Variants in SLC4A10 observed in about 807,000 individuals in gnomAD.
SLC4A10 encodes sodium-driven chloride bicarbonate exchanger.
Under a neutral mutation model 137.7 loss-of-function variants are expected in SLC4A10, and 42 were observed. That is an observed-to-expected ratio of 0.30 (90% CI 0.24 to 0.39). SLC4A10 has a LOEUF of 0.39. Among genes scored for constraint, SLC4A10 ranks in the 10% least tolerant of loss-of-function variants. The pLI is 1.00. For missense variants in SLC4A10, 925 were observed against 1,355.0 expected (o/e 0.68, Z 4.98); for synonymous variants, 474 against 464.1 (o/e 1.02, Z -0.27).
At chr2:161,837,573 G>T (rs1201318498) in intron 3 of SLC4A10, among the ~76,000 whole-genome samples, 1 of 152,130 alleles carries the variant, frequency 6.6e-6, no homozygotes, top group African/African-American at 2.4e-5. Flanking sequence ...CAGGAATTTT[G>T]TAGATACAGA....
intron 15 of SLC4A10, among the ~76,000 whole-genome samples, chr2:161,912,264 C>A (rs917739364): frequency 4.6e-5 from 7 of 152,098 alleles, no homozygotes; most frequent in African/African-American, 1.7e-4. Flanking sequence ...AAAAAGGCAG[C>A]TATTTACATA....
intron 19 of SLC4A10, among the ~76,000 whole-genome samples, chr2:161,956,300 G>C (rs187544063): frequency 3.9e-4 from 59 of 152,274 alleles, no homozygotes; most frequent in African/African-American, 1.4e-3. Flanking sequence ...TTTATTGGTT[G>C]AGCTAGCATT....
chr2:161,767,202 GTATATATATATACACA>G (rs1459622069), intron 1 of SLC4A10, among the ~76,000 whole-genome samples: 5 of 67,602 alleles, frequency 7.4e-5, no homozygotes, highest in Admixed American at 4.6e-4. Context: ...GTGTGTGTGT[GTATATATATATACACA>G]TATATATATA....
At chr2:161,732,637 G>A (rs2046933860) in intron 1 of SLC4A10, among the ~76,000 whole-genome samples, 2 of 152,158 alleles carry the variant, frequency 1.3e-5, no homozygotes, top group African/African-American at 4.8e-5. Context: ...CCCGAAAGCA[G>A]GAGTGAGCTC....
intron 3 of SLC4A10, among the ~76,000 whole-genome samples, chr2:161,829,700 G>A (rs539339400): frequency 1.3e-5 from 2 of 151,996 alleles, no homozygotes; most frequent in African/African-American, 4.8e-5. Context: ...CTATATTTAT[G>A]TATTGGTCTG....
chr2:161,918,841 T>G (rs1246046511), intron 15 of SLC4A10, among the ~76,000 whole-genome samples: 1 of 152,152 alleles, frequency 6.6e-6, no homozygotes, highest in Non-Finnish European at 1.5e-5. Flanking sequence ...GCATGCTCTG[T>G]GGAGCAGGCA....
At chr2:161,659,329 A>G (rs2037983739) in intron 1 of SLC4A10, among the ~76,000 whole-genome samples, 1 of 152,240 alleles carries the variant, frequency 6.6e-6, no homozygotes, top group African/African-American at 2.4e-5. Flanking sequence ...ATTGGGAACT[A>G]AATAATGTGT....
chr2:161,874,349 G>A (rs2061334966), intron 8 of SLC4A10, among the ~76,000 whole-genome samples: 1 of 152,080 alleles, frequency 6.6e-6, no homozygotes, highest in African/African-American at 2.4e-5. Context: ...CAAATAAATT[G>A]TGATTTAACT....
At chr2:161,829,525 T>G (rs1330875012) in intron 3 of SLC4A10, among the ~76,000 whole-genome samples, 4 of 152,186 alleles carry the variant, frequency 2.6e-5, no homozygotes, top group African/African-American at 4.8e-5. Flanking sequence ...ATAGCAAAAT[T>G]GTCATGGATT....
At chr2:161,905,619 T>A (rs1414832398) in intron 14 of SLC4A10, 23 bp from the exon 15 acceptor site, 1 of 1,567,176 alleles carries the variant, frequency 6.4e-7, no homozygotes. Flanking sequence ...CTTTTCACTG[T>A]TCTTTCCTTT....
intron 1 of SLC4A10, among the ~76,000 whole-genome samples, chr2:161,685,501 G>T (rs2041292724): frequency 6.6e-6 from 1 of 152,106 alleles, no homozygotes; most frequent in Non-Finnish European, 1.5e-5. Context: ...CCAGCTACTT[G>T]GGAGGCTGAG....
At chr2:161,627,812 G>A (rs942691908) in intron 1 of SLC4A10, among the ~76,000 whole-genome samples, 6 of 152,100 alleles carry the variant, frequency 3.9e-5, no homozygotes, top group African/African-American at 1.4e-4. Flanking sequence ...AAGTGTGTCA[G>A]AAAGATGTGT....
intron 3 of SLC4A10, among the ~76,000 whole-genome samples, chr2:161,817,886 T>C (rs1432364759): frequency 6.6e-6 from 1 of 151,856 alleles, no homozygotes; most frequent in Non-Finnish European, 1.5e-5. Context: ...ACTGTAGCCT[T>C]GTAGTATAGT....
At chr2:161,786,193 T>A (rs2053604880) in intron 2 of SLC4A10, among the ~76,000 whole-genome samples, 1 of 151,870 alleles carries the variant, frequency 6.6e-6, no homozygotes, top group Non-Finnish European at 1.5e-5. Flanking sequence ...GTCTTTTTTT[T>A]AACTATTATT....
intron 3 of SLC4A10, among the ~76,000 whole-genome samples, chr2:161,814,804 T>G (rs1360855320): frequency 1.3e-5 from 2 of 151,972 alleles, no homozygotes; most frequent in South Asian, 4.2e-4. Flanking sequence ...GTTAAAAAAG[T>G]AACTATTGGG....
chr2:161,700,263 T>C (rs1018141763), intron 1 of SLC4A10, among the ~76,000 whole-genome samples: 2 of 152,128 alleles, frequency 1.3e-5, no homozygotes, highest in African/African-American at 4.8e-5. Context: ...AATGACATAG[T>C]GGTTTTGGAC....
At chr2:161,863,362 A>C (rs1559412219) in intron 6 of SLC4A10, among the ~76,000 whole-genome samples, 1 of 152,196 alleles carries the variant, frequency 6.6e-6, no homozygotes, top group East Asian at 1.9e-4. Context: ...TGGCATACCA[A>C]ATAAGGTCCT....
intron 1 of SLC4A10, among the ~76,000 whole-genome samples, chr2:161,748,178 G>A (rs1412104845): frequency 6.6e-6 from 1 of 152,044 alleles, no homozygotes; most frequent in Non-Finnish European, 1.5e-5. Context: ...AATCTCTTAT[G>A]ATGAGACATA....
chr2:161,777,131 G>T (rs1253860582), intron 2 of SLC4A10, among the ~76,000 whole-genome samples: 2 of 150,828 alleles, frequency 1.3e-5, no homozygotes, highest in Non-Finnish European at 3.0e-5. Context: ...ATTTAAAAAA[G>T]TTAAAATTAA....
Sources: gnomAD v4.1 joint callset for allele counts (sites outside exome capture counted in the v4.1 genomes callset) on GRCh38, gnomAD v4.1.1 for gene constraint, MANE v1.5 for transcripts, NCBI Gene and HGNC (gene_info 2026-07-23, HGNC 2026-07-21) for gene names.